MYO1E: variants seen among roughly 807,000 people sequenced by gnomAD.
MYO1E encodes the protein unconventional myosin-Ie.
A neutral mutation model predicts 151.1 loss-of-function variants in MYO1E; 68 were observed. The ratio of observed to expected loss-of-function variants is 0.45; its 90% CI spans 0.37 to 0.55. MYO1E has a LOEUF of 0.55. MYO1E is among the 20% of genes least tolerant of loss of function. The pLI, the probability that MYO1E is intolerant of heterozygous loss-of-function variation, is 0.00. For synonymous variants in MYO1E, 601 were observed against 501.7 expected (o/e 1.20, Z -2.64); for missense variants, 1,363 against 1,389.3 (o/e 0.98, Z 0.30).
In MYO1E at chr15:59,343,221, T is replaced by G. The variant is rs1596432136; in HGVS notation, c.3+29277A>C. ...GGGTTGATAAATCCCTCAGCTTTTG[T>G]TTGTCTGGGAAGGTCTTAATTTTTC... On this transcript the variant is annotated intron_variant, in intron 1 of 27. Coordinates refer to ENST00000288235, the MANE Select transcript of MYO1E (RefSeq NM_004998.4). 1.3e-5 allele frequency among the ~76,000 whole-genome samples: 2 copies of G among 152,262 alleles called. 1 individual carries two copies. Among genetic ancestry groups the G allele is most frequent in the South Asian group, 4.1e-4 (2 of 4,832 alleles).
intron 12 of MYO1E, among the ~76,000 whole-genome samples, chr15:59,210,939 C>T (rs2079875008): frequency 6.6e-6 from 1 of 152,108 alleles, no homozygotes; most frequent in Non-Finnish European, 1.5e-5. Flanking sequence ...CGGTGGCTCA[C>T]ATCTGTAATC....
chr15:59,163,103 T>A (rs1435273680), intron 23 of MYO1E, 54 bp downstream of exon 23: 1 of 1,600,852 alleles, frequency 6.2e-7, no homozygotes, highest in Non-Finnish European at 8.5e-7. Flanking sequence ...AGGGGTGCGA[T>A]CAAGACCCCT....
chr15:59,253,164 C>T (rs1363646878), intron 4 of MYO1E, among the ~76,000 whole-genome samples: 1 of 152,154 alleles, frequency 6.6e-6, no homozygotes, highest in Admixed American at 6.5e-5. Flanking sequence ...AAACACATCA[C>T]CTTGGGAGAC....
chr15:59,263,729 C>A (rs1161283152), intron 2 of MYO1E, among the ~76,000 whole-genome samples: 1 of 152,054 alleles, frequency 6.6e-6, no homozygotes. Context: ...TTCAGCAGTG[C>A]CCAGTTCTGG....
At chr15:59,138,860 A>G (rs1046322009) in intron 26 of MYO1E, among the ~76,000 whole-genome samples, 16 of 152,104 alleles carry the variant, frequency 1.1e-4, no homozygotes, top group Non-Finnish European at 5.9e-5. Context: ...AAATACCCCT[A>G]GCCAATATTT....
chr15:59,341,028 A>T (rs555549287), intron 1 of MYO1E, among the ~76,000 whole-genome samples: 1 of 148,922 alleles, frequency 6.7e-6, no homozygotes, highest in African/African-American at 2.6e-5. Context: ...AAAAAAAAAA[A>T]AAAAAAGAAA....
At position 59,207,285 on chromosome 15, in the gene MYO1E, A is replaced by C. The variant is rs781456733; in HGVS notation, c.1530+1396T>G. The C allele has an allele frequency of 5.0e-6, 8 of 1,614,062 alleles. No individual in the cohort carries two copies. The South Asian group carries it at 6.6e-5, about 13-fold the overall frequency. Reference sequence around the variant, plus strand: ...TGAAGGGTGAGACGATGGATCTTCAACATGGCAGCCCTTTCACGAAAATGC... The same window carrying C: ...TGAAGGGTGAGACGATGGATCTTCACCATGGCAGCCCTTTCACGAAAATGC... On this transcript the variant is annotated intron_variant, in intron 14 of 27. Transcript: ENST00000288235.
chr15:59,213,319 C>T (rs2079892642), intron 12 of MYO1E, among the ~76,000 whole-genome samples: 1 of 151,876 alleles, frequency 6.6e-6, no homozygotes, highest in African/African-American at 2.4e-5. Flanking sequence ...TACAGGCACA[C>T]ACCATCACGC....
In MYO1E at chr15:59,136,973, T is replaced by C. The variant is rs2079377122; in HGVS notation, c.*407A>G. 1 of 352,542 alleles carries C rather than the reference T, an allele frequency of 2.8e-6. No homozygotes were observed. The highest frequency in any genetic ancestry group is 2.1e-5 in the African/African-American group (1 of 46,760). The allele number at this position is 352,542 out of a possible 1,614,324, so 21.8% of individuals were successfully genotyped here. A position where few individuals can be genotyped will look rare whatever the true frequency, so the allele number is the denominator to read the frequency against. ...GTCTATCAGGTATGGACAAGAGAGA[T>C]GAAAGAAATGTGCTCTTCAACTAAA... On this transcript the variant is annotated 3_prime_UTR_variant, in exon 28 of 28. Coordinates refer to ENST00000288235, the MANE Select transcript of MYO1E (RefSeq NM_004998.4).
intron 5 of MYO1E, among the ~76,000 whole-genome samples, chr15:59,236,048 T>C (rs1201605924): frequency 1.3e-5 from 2 of 152,146 alleles, no homozygotes; most frequent in African/African-American, 2.4e-5. Flanking sequence ...GAGTTCATTA[T>C]ATATTAGGCA....
intron 18 of MYO1E, among the ~76,000 whole-genome samples, chr15:59,185,416 T>C (rs2079689842): frequency 6.6e-6 from 1 of 152,160 alleles, no homozygotes; most frequent in South Asian, 2.1e-4. Context: ...TACAGATGCA[T>C]GCCACTGCAC....
intron 1 of MYO1E, among the ~76,000 whole-genome samples, chr15:59,369,889 G>A (rs568436120): frequency 7.7e-4 from 117 of 151,812 alleles, no homozygotes; most frequent in African/African-American, 2.7e-3. Context: ...AAAGACACAC[G>A]CACACACACA....
intron 5 of MYO1E, among the ~76,000 whole-genome samples, 164 bp downstream of exon 5, chr15:59,236,393 CACACACACACACACACACACACACACAA>C (rs1566988375): frequency 7.2e-6 from 1 of 138,090 alleles, no homozygotes; most frequent in African/African-American, 2.5e-5. Flanking sequence ...CACACACACA[CACACACACACACACACACACACACACAA>C]ACACACATAC....
At chr15:59,214,401 G>A in intron 11 of MYO1E, 87 bp from the exon 12 acceptor site, 1 of 1,066,994 alleles carries the variant, frequency 9.4e-7, no homozygotes, top group Non-Finnish European at 1.4e-6. Context: ...ATGTCTTCAT[G>A]TGAAAAGCTT....
intron 2 of MYO1E, among the ~76,000 whole-genome samples, chr15:59,268,720 A>ATTTTTGTTTTTT (rs2080271424): frequency 2.2e-5 from 1 of 44,906 alleles, no homozygotes; most frequent in Non-Finnish European, 4.9e-5. Context: ...TGACTTTGGT[A>ATTTTTGTTTTTT]TTTTTTTTTT....
At chr15:59,162,602 C>T (rs565150243) in intron 23 of MYO1E, among the ~76,000 whole-genome samples, 1 of 148,852 alleles carries the variant, frequency 6.7e-6, no homozygotes, top group Non-Finnish European at 1.5e-5. Context: ...GCCAAGGTCG[C>T]ACCACTGTAC....
At chr15:59,170,315 G>C (rs147596515) in intron 22 of MYO1E, among the ~76,000 whole-genome samples, 1 of 152,136 alleles carries the variant, frequency 6.6e-6, no homozygotes, top group Non-Finnish European at 1.5e-5. Context: ...TCGGCACAGC[G>C]ACTACACACA....
At chr15:59,365,827 G>T (rs2080909716) in intron 1 of MYO1E, among the ~76,000 whole-genome samples, 1 of 152,150 alleles carries the variant, frequency 6.6e-6, no homozygotes, top group Admixed American at 6.5e-5. Context: ...TCTTTAGTGG[G>T]GCTAATTGTT....
chr15:59,320,713 A>T (rs981441447), intron 1 of MYO1E, among the ~76,000 whole-genome samples: 2 of 152,214 alleles, frequency 1.3e-5, no homozygotes, highest in Non-Finnish European at 2.9e-5. Flanking sequence ...TAAATGTAAG[A>T]CCTCAAACTA....
Sources: gnomAD v4.1 joint callset for allele counts (sites outside exome capture counted in the v4.1 genomes callset) on GRCh38, gnomAD v4.1.1 for gene constraint, MANE v1.5 for transcripts, NCBI Gene and HGNC (gene_info 2026-07-23, HGNC 2026-07-21) for gene names.